Variants in FOXP1 observed in about 807,000 individuals in gnomAD.
The protein encoded by FOXP1 is forkhead box P1.
FOXP1 carries 15 observed loss-of-function variants against 98.2 expected under a neutral mutation model. That is an observed-to-expected ratio of 0.15 (90% CI 0.10 to 0.24). The LOEUF (loss-of-function observed/expected upper bound fraction) is 0.24. Ranked by LOEUF, FOXP1 falls within the 10% of genes least tolerant of loss-of-function variation. FOXP1 has a pLI of 1.00. For synonymous variants in FOXP1, 371 were observed against 314.5 expected (o/e 1.18, Z -1.90); for missense variants, 633 against 848.5 (o/e 0.75, Z 3.15).
chr3:71,564,552 C>G (rs2046770129), intron 2 of FOXP1, among the ~76,000 whole-genome samples: 1 of 152,158 alleles, frequency 6.6e-6, no homozygotes, highest in South Asian at 2.1e-4. Context: ...CTCTGGTTGG[C>G]CGACCTTGAG....
chr3:71,519,904 A>T (rs1409338400), intron 2 of FOXP1, among the ~76,000 whole-genome samples: 1 of 152,240 alleles, frequency 6.6e-6, no homozygotes, highest in Non-Finnish European at 1.5e-5. Flanking sequence ...TGCTGAATGC[A>T]GTCCCTCCCA....
chr3:71,473,942 C>T (rs36023390), intron 3 of FOXP1, among the ~76,000 whole-genome samples: 53,420 of 151,954 alleles, frequency 0.35, 9,797 homozygotes, highest in Non-Finnish European at 0.38. Context: ...CTGAAAGATA[C>T]TGAACATGCC....
At chr3:71,536,214 T>C (rs959419409) in intron 2 of FOXP1, among the ~76,000 whole-genome samples, 20 of 152,158 alleles carry the variant, frequency 1.3e-4, no homozygotes, top group Non-Finnish European at 2.1e-4. Flanking sequence ...ATTCCCTCTG[T>C]TACTTATAAC....
chr3:71,560,038 G>C (rs930833386), intron 2 of FOXP1, among the ~76,000 whole-genome samples: 8 of 152,138 alleles, frequency 5.3e-5, no homozygotes, highest in Non-Finnish European at 8.8e-5. Flanking sequence ...GAGACAATGA[G>C]AAAGCAAGAC....
intron 4 of FOXP1, among the ~76,000 whole-genome samples, chr3:71,341,972 T>C (rs751648476): frequency 6.6e-6 from 1 of 152,136 alleles, no homozygotes; most frequent in Admixed American, 6.5e-5. Context: ...TGAGATCACA[T>C]AACAAGTTAG....
intron 6 of FOXP1, among the ~76,000 whole-genome samples, chr3:71,122,102 T>C (rs1156961390): frequency 6.6e-6 from 1 of 152,240 alleles, no homozygotes; most frequent in Non-Finnish European, 1.5e-5. Flanking sequence ...TGGAGGATTT[T>C]CCATGATTTT....
At position 71,475,324 on chromosome 3, in the gene FOXP1, T is replaced by G. The variant is rs571279277; in HGVS notation, c.-168+18102A>C. 3.3e-5 allele frequency among the ~76,000 whole-genome samples: 5 copies of G among 152,232 alleles called. No homozygotes were observed. The East Asian group carries it at 9.6e-4, about 29-fold the overall frequency. On this transcript the variant is annotated intron_variant, in intron 3 of 20. Coordinates refer to ENST00000649528, the MANE Select transcript of FOXP1 (RefSeq NM_001349338.3). ...TCAGTGGAAGAAGGAGCAACTATAATTTTTTAAGAAGTAATGATTAGCACA... is the reference window on the plus strand; with the variant it reads ...TCAGTGGAAGAAGGAGCAACTATAAGTTTTTAAGAAGTAATGATTAGCACA...
intron 3 of FOXP1, among the ~76,000 whole-genome samples, chr3:71,472,434 AC>A (rs972525509): frequency 7.2e-6 from 1 of 139,062 alleles, no homozygotes; most frequent in Non-Finnish European, 1.6e-5. Context: ...GTAAAATCAT[AC>A]TTTTCCTTTT....
At chr3:71,121,426 GTT>G (rs1368586208) in intron 6 of FOXP1, among the ~76,000 whole-genome samples, 1 of 151,678 alleles carries the variant, frequency 6.6e-6, no homozygotes, top group Non-Finnish European at 1.5e-5. Flanking sequence ...GATGTAGTAA[GTT>G]TAATGACTAC....
chr3:71,101,973 A>C (rs1463240322), intron 7 of FOXP1, among the ~76,000 whole-genome samples: 1 of 152,214 alleles, frequency 6.6e-6, no homozygotes, highest in Non-Finnish European at 1.5e-5. Flanking sequence ...AAGTAGTTAA[A>C]AATCTGTTCT....
intron 3 of FOXP1, among the ~76,000 whole-genome samples, chr3:71,396,439 G>A (rs1180885695): frequency 1.3e-5 from 2 of 152,138 alleles, no homozygotes; most frequent in Non-Finnish European, 2.9e-5. Context: ...GGCTTGGAAA[G>A]TTTAAGTAAC....
In FOXP1 at chr3:71,583,706, G is replaced by A. The variant is rs2107920775; in HGVS notation, c.-582C>T. 1.0e-6 allele frequency: 1 copy of A among 984,860 alleles called. No individual in the cohort carries two copies. Among genetic ancestry groups the A allele is most frequent in the Non-Finnish European group, 1.2e-6 (1 of 829,850 alleles). The allele number at this position is 984,860 out of a possible 1,614,324, so 61.0% of individuals were successfully genotyped here. ...CGCGCGCACACACGCACTCCCGGGC[G>A]AGGGCCGGGCCGCCGCGAGTACAGC... On this transcript the variant is annotated 5_prime_UTR_variant, in exon 1 of 21. Coordinates refer to ENST00000649528, the MANE Select transcript of FOXP1 (RefSeq NM_001349338.3).
intron 5 of FOXP1, among the ~76,000 whole-genome samples, chr3:71,222,586 C>CT (rs2065484378): frequency 1.3e-5 from 2 of 151,966 alleles, no homozygotes; most frequent in Admixed American, 6.6e-5. Context: ...GCCTGGCTAC[C>CT]TTTTGTATGT....
At chr3:70,975,588 G>A (rs948194146) in intron 17 of FOXP1, among the ~76,000 whole-genome samples, 4 of 152,152 alleles carry the variant, frequency 2.6e-5, no homozygotes, top group Admixed American at 2.0e-4. Context: ...TTTATTTCAG[G>A]CGAAGGAAGT....
intron 5 of FOXP1, among the ~76,000 whole-genome samples, chr3:71,205,508 T>TA (rs138549754): frequency 4.0e-5 from 6 of 151,000 alleles, no homozygotes; most frequent in Middle Eastern, 3.4e-3. Context: ...AAGCATGTTT[T>TA]AAAAAAAAAC....
intron 5 of FOXP1, among the ~76,000 whole-genome samples, chr3:71,233,488 G>A (rs1380548568): frequency 6.6e-6 from 1 of 151,738 alleles, no homozygotes; most frequent in Non-Finnish European, 1.5e-5. Flanking sequence ...GTGCAATGGC[G>A]CGATCTCAGC....
At chr3:71,357,089 C>T (rs573972889) in intron 4 of FOXP1, among the ~76,000 whole-genome samples, 32 of 152,250 alleles carry the variant, frequency 2.1e-4, no homozygotes, top group African/African-American at 7.7e-4. Flanking sequence ...CTTGAGTCTA[C>T]ATAAGAACAG....
Position 70,970,772 on chromosome 3 carries a change from G to A in FOXP1, c.1686C>T (p.Ser562=), listed in dbSNP as rs754066778. 7 of 1,613,870 alleles carry A rather than the reference G, an allele frequency of 4.3e-6. No individual in the cohort carries two copies. The highest frequency in any genetic ancestry group is 3.3e-5 in the Admixed American group (2 of 60,006). The stretch of plus-strand genomic sequence containing the variant: ...CATTGAGAGGTGTGCAGTAGGCGTG[G>A]CTGCTCTGCATGTTTTTAATAAGGG... ...NPSLIKNMQS[S]HAYCTPLNAA... is the part of the protein sequence containing the mutation. Residue 562 remains serine, a synonymous_variant, in exon 19 of 21, where the codon AGC becomes AGT. Transcript: ENST00000649528.
At chr3:71,232,911 G>A (rs1480642883) in intron 5 of FOXP1, among the ~76,000 whole-genome samples, 1 of 63,278 alleles carries the variant, frequency 1.6e-5, no homozygotes, top group Admixed American at 1.6e-4. Context: ...GAAAAATGGG[G>A]ACCAGGTGCA....
Sources: allele counts gnomAD v4.1 joint callset (sites outside exome capture counted in the v4.1 genomes callset), GRCh38; gene constraint gnomAD v4.1.1; transcripts MANE v1.5; gene names NCBI Gene and HGNC (gene_info 2026-07-23, HGNC 2026-07-21).